The following ACOX2 variants were observed in gnomAD, a reference collection of about 807,000 sequenced individuals.
ACOX2 encodes the protein peroxisomal acyl-coenzyme A oxidase 2.
A neutral mutation model predicts 77.5 loss-of-function variants in ACOX2; 59 were observed. The observed-to-expected ratio is 0.76, with a 90% CI of 0.62 to 0.95. The LOEUF (loss-of-function observed/expected upper bound fraction) is 0.95, where lower values mean the gene tolerates loss of function less well. ACOX2 is among the 40% of genes least tolerant of loss of function. The probability of loss-of-function intolerance (pLI) is 0.00; values close to 1 mark genes in which losing one functional copy is unlikely to be tolerated. For missense variants in ACOX2, 837 were observed against 880.4 expected (o/e 0.95, Z 0.62); for synonymous variants, 317 against 340.1 (o/e 0.93, Z 0.75).
chr3:58,516,350 C>T (rs2107993323), intron 13 of ACOX2, among the ~76,000 whole-genome samples: 1 of 152,276 alleles, frequency 6.6e-6, no homozygotes, highest in South Asian at 2.1e-4. Context: ...GAGCTCATGC[C>T]CAGGGGCCAG....
rs1560217702 is a variant in ACOX2, at chr3:58,526,781, C to T, written c.1156-125G>A. The stretch of plus-strand genomic sequence containing the variant: ...AGCTCTGAGGTAAGAAGTGTTTCCT[C>T]TGCTCACAACTTTATGAATGAGAAG... On this transcript the variant is annotated intron_variant, in intron 9 of 14. Coordinates refer to ENST00000302819, the MANE Select transcript of ACOX2 (RefSeq NM_003500.4). The surrounding 1 kb of genome is among the most constrained non-coding windows in gnomAD (Gnocchi z 4.3). 5 of 1,029,844 alleles carry T rather than the reference C, an allele frequency of 4.9e-6. No individual in the cohort carries two copies. The highest frequency in any genetic ancestry group is 7.0e-6 in the Non-Finnish European group (5 of 719,196). The allele number at this position is 1,029,844 out of a possible 1,614,324, so 63.8% of individuals were successfully genotyped here.
Position 58,534,732 on chromosome 3 carries a change from G to C in ACOX2, c.161-210C>G. The C allele has an allele frequency of 2.2e-6, 3 of 1,352,984 alleles. No individual in the cohort carries two copies. The highest frequency in any genetic ancestry group is 2.5e-5 in the East Asian group (1 of 40,602). The allele number at this position is 1,352,984 out of a possible 1,614,324, so 83.8% of individuals were successfully genotyped here. ...GCAGAATTTTAGGACCAGAATCCAG[G>C]TCTTCTGCTGCCTAGGACTCTTCTA... On this transcript the variant is annotated intron_variant, in intron 2 of 14. Coordinates refer to ENST00000302819, the MANE Select transcript of ACOX2 (RefSeq NM_003500.4). This position sits in a 1 kb window ranked among gnomAD's most constrained non-coding sequence, Gnocchi z 4.8.
rs1242528397 is a variant in ACOX2, at chr3:58,505,363, C to G, written c.1984-77G>C. ...AATGACTTTCACTTTCAAATTAAGTCTCTAGCTTCAAAAAGTAACATTACG... is the reference window on the plus strand; with the variant it reads ...AATGACTTTCACTTTCAAATTAAGTGTCTAGCTTCAAAAAGTAACATTACG... On this transcript the variant is annotated intron_variant, in intron 14 of 14. Transcript: ENST00000302819. This position sits in a 1 kb window ranked among gnomAD's most constrained non-coding sequence, Gnocchi z 4.4. The G allele has an allele frequency of 3.3e-6, 4 of 1,196,832 alleles. No individual in the cohort carries two copies. The highest frequency in any genetic ancestry group is 3.5e-6 in the Non-Finnish European group (3 of 851,386). The allele number at this position is 1,196,832 out of a possible 1,614,324, so 74.1% of individuals were successfully genotyped here.
intron 5 of ACOX2, among the ~76,000 whole-genome samples, chr3:58,532,868 G>A (rs2063451145): frequency 6.6e-6 from 1 of 152,136 alleles, no homozygotes; most frequent in Non-Finnish European, 1.5e-5. Context: ...GTTTGAGGAA[G>A]GGGAAATCCC....
intron 14 of ACOX2, among the ~76,000 whole-genome samples, chr3:58,506,873 T>C (rs753776114): frequency 6.6e-5 from 10 of 152,226 alleles, no homozygotes; most frequent in South Asian, 2.1e-4. Context: ...ATGTCTCTTA[T>C]TGCAGCTTCA....
At position 58,505,329 on chromosome 3, in the gene ACOX2, G is replaced by T; in HGVS notation, c.1984-43C>A. On this transcript the variant is annotated intron_variant, in intron 14 of 14. Transcript: ENST00000302819. The surrounding 1 kb of genome is among the most constrained non-coding windows in gnomAD (Gnocchi z 4.4). ...CGCATTATTAACACAGTACATTTCT[G>T]CCAGGATTAATGACTTTCACTTTCA... 6.7e-7 allele frequency: 1 copy of T among 1,495,752 alleles called. No homozygotes were observed. Among genetic ancestry groups the T allele is most frequent in the Non-Finnish European group, 9.1e-7 (1 of 1,094,558 alleles). The allele number at this position is 1,495,752 out of a possible 1,614,324, so 92.7% of individuals were successfully genotyped here.
Position 58,526,270 on chromosome 3 carries a change from G to A in ACOX2, c.1346+196C>T, listed in dbSNP as rs899486541. On this transcript the variant is annotated intron_variant, in intron 10 of 14. Transcript: ENST00000302819. This position sits in a 1 kb window ranked among gnomAD's most constrained non-coding sequence, Gnocchi z 4.3. Reference sequence around the variant, plus strand: ...GAAGCAAGAGACCAGGGAGGGGTCTGAGGCTGTGGTGGAGGTGAGAGAGGA... The same window carrying A: ...GAAGCAAGAGACCAGGGAGGGGTCTAAGGCTGTGGTGGAGGTGAGAGAGGA... 6.6e-6 allele frequency among the ~76,000 whole-genome samples: 1 copy of A among 152,226 alleles called. No homozygotes were observed. Among genetic ancestry groups the A allele is most frequent in the African/African-American group, 2.4e-5 (1 of 41,464 alleles).
In ACOX2 at chr3:58,520,440, G is replaced by A. The variant is rs139939596; in HGVS notation, c.1632+2056C>T. 2.9e-3 allele frequency among the ~76,000 whole-genome samples: 441 copies of A among 152,298 alleles called. 2 individuals carry two copies. Among genetic ancestry groups the A allele is most frequent in the African/African-American group, 0.01 (422 of 41,560 alleles). ...GTCAGAGTCTGAATTATAGGACCAC[G>A]GCCTGACAGAGCCTAAAGGGCTCTT... On this transcript the variant is annotated intron_variant, in intron 12 of 14. Transcript: ENST00000302819.
intron 8 of ACOX2, chr3:58,529,197 T>G: frequency 2.8e-6 from 1 of 362,272 alleles, no homozygotes; most frequent in Non-Finnish European, 4.9e-6. Context: ...GGGAGGCTTA[T>G]AGAATTCCAG....
In ACOX2 at chr3:58,533,645, G is replaced by T; in HGVS notation, c.476-93C>A. ...GGTGGGTCTGAACTCTTAGGCATCA[G>T]CGCAGTATGGAGTGGGGCCCAGCTC... On this transcript the variant is annotated intron_variant, in intron 4 of 14. Coordinates refer to ENST00000302819, the MANE Select transcript of ACOX2 (RefSeq NM_003500.4). The surrounding 1 kb of genome is among the most constrained non-coding windows in gnomAD (Gnocchi z 5.6). 2.6e-6 allele frequency: 3 copies of T among 1,172,722 alleles called. No individual in the cohort carries two copies. Among genetic ancestry groups the T allele is most frequent in the South Asian group, 1.3e-5 (1 of 77,620 alleles). The allele number at this position is 1,172,722 out of a possible 1,614,324, so 72.6% of individuals were successfully genotyped here.
intron 12 of ACOX2, among the ~76,000 whole-genome samples, chr3:58,520,420 A>G (rs1455181977): frequency 2.0e-5 from 3 of 152,236 alleles, no homozygotes; most frequent in Non-Finnish European, 2.9e-5. Flanking sequence ...TTCTGGTCAG[A>G]GTCTGAATTA....
In ACOX2 at chr3:58,537,112, G is replaced by A. The variant is rs1280521553; in HGVS notation, c.-92+7C>T. The A allele has an allele frequency of 6.5e-6, 1 of 152,938 alleles. No homozygotes were observed. Among genetic ancestry groups the A allele is most frequent in the East Asian group, 1.9e-4 (1 of 5,218 alleles). 9.5% of individuals were successfully genotyped at this position (152,938 alleles called of 1,614,324 possible). On this transcript the variant is annotated splice_region_variant and intron_variant, in intron 1 of 14. Coordinates refer to ENST00000302819, the MANE Select transcript of ACOX2 (RefSeq NM_003500.4). ...CCAGTCCCTCCCTGCCCAAAAACCT[G>A]GCTCACCTGGCTCCCCTCTGTCCTG...
Position 58,535,266 on chromosome 3 carries a change from T to A in ACOX2, c.-91-69A>T. ...CTGGTTGGTAGAAGAAAGACATCCC[T>A]AAGTACCTGAATGCCACTCCACCTC... On this transcript the variant is annotated intron_variant, in intron 1 of 14. Coordinates refer to ENST00000302819, the MANE Select transcript of ACOX2 (RefSeq NM_003500.4). This position sits in a 1 kb window ranked among gnomAD's most constrained non-coding sequence, Gnocchi z 4.8. 1 of 826,990 alleles carries A rather than the reference T, an allele frequency of 1.2e-6. No individual in the cohort carries two copies. Among genetic ancestry groups the A allele is most frequent in the Non-Finnish European group, 1.9e-6 (1 of 517,554 alleles). 51.2% of individuals were successfully genotyped at this position (826,990 alleles called of 1,614,324 possible). A position where few individuals can be genotyped will look rare whatever the true frequency, so the allele number is the denominator to read the frequency against.
rs776329394 is a variant in ACOX2, at chr3:58,505,243, CT to C, written c.2026del (p.Ser676ValfsTer21). The C allele has an allele frequency of 2.5e-6, 4 of 1,613,242 alleles. No individual in the cohort carries two copies. In the Admixed American group the frequency reaches 5.0e-5, roughly 20 times the overall value. ...YEEYIRPLLQ[S>X]WRSKL ...GTTATTTCATAGCTTGGATCTCCAA[CT>C]TTGTAAAAGTGGTCTTATATATTCC... On this transcript the variant is annotated frameshift_variant, in exon 15 of 15. Coordinates refer to ENST00000302819, the MANE Select transcript of ACOX2 (RefSeq NM_003500.4). LOFTEE classifies it high-confidence loss of function. This position sits in a 1 kb window ranked among gnomAD's most constrained non-coding sequence, Gnocchi z 4.4.
chr3:58,526,564 G>T lies in ACOX2; in HGVS notation c.1248C>A (p.Gly416=), dbSNP rs752376288. 1 of 1,614,240 alleles carries T rather than the reference G, an allele frequency of 6.2e-7. No individual in the cohort carries two copies. The highest frequency in any genetic ancestry group is 2.2e-5 in the East Asian group (1 of 44,888). The change falls in exon 10 of 15, where the codon GGC becomes GGA. Residue 416 remains glycine (G), a synonymous_variant. Transcript: ENST00000302819. The surrounding 1 kb of genome is among the most constrained non-coding windows in gnomAD (Gnocchi z 4.3). ...ATGGCAGGCCACTCAGCTTTGAGTA[G>T]CCATGTCCGCCACAGGCCCTGCGGC... is the stretch of plus-strand genomic sequence containing the variant. ...EMCRRACGGH[G]YSKLSGLPSL...
chr3:58,528,088 A>C lies in ACOX2; in HGVS notation c.1155+706T>G, dbSNP rs2063410514. Among the ~76,000 whole-genome samples the C allele has an allele frequency of 6.6e-6, 1 of 152,186 alleles. No homozygotes were observed. Among genetic ancestry groups the C allele is most frequent in the Non-Finnish European group, 1.5e-5 (1 of 68,030 alleles). On this transcript the variant is annotated intron_variant, in intron 9 of 14. Coordinates refer to ENST00000302819, the MANE Select transcript of ACOX2 (RefSeq NM_003500.4). This position sits in a 1 kb window ranked among gnomAD's most constrained non-coding sequence, Gnocchi z 5.6. The stretch of plus-strand genomic sequence containing the variant: ...AGGACAGAGGCTGCTGGGCAGCAGG[A>C]CTGCTTTCAGATTTTGGTTCTTGAA...
chr3:58,517,618 G>GCT (rs2063330957), intron 12 of ACOX2, among the ~76,000 whole-genome samples, 195 bp from the exon 13 acceptor site: 1 of 149,280 alleles, frequency 6.7e-6, no homozygotes, highest in Admixed American at 6.7e-5. Context: ...TGTGTTGGGG[G>GCT]GGGGAGCGGG....
chr3:58,506,472 G>A (rs1006342036), intron 14 of ACOX2, among the ~76,000 whole-genome samples: 3 of 152,076 alleles, frequency 2.0e-5, no homozygotes, highest in African/African-American at 7.2e-5. Context: ...ATGTCTACAG[G>A]GTGTGTTTCA....
Position 58,535,222 on chromosome 3 carries a change from G to T in ACOX2, c.-91-25C>A. 1 of 1,362,608 alleles carries T rather than the reference G, an allele frequency of 7.3e-7. No individual in the cohort carries two copies. The allele number at this position is 1,362,608 out of a possible 1,614,324, so 84.4% of individuals were successfully genotyped here. On this transcript the variant is annotated intron_variant, in intron 1 of 14. Coordinates refer to ENST00000302819, the MANE Select transcript of ACOX2 (RefSeq NM_003500.4). This position sits in a 1 kb window ranked among gnomAD's most constrained non-coding sequence, Gnocchi z 4.8. The stretch of plus-strand genomic sequence containing the variant: ...CCTGTGTGCAAGAGGAACTGCCTAG[G>T]GCTGGGTGTCAGCCAGGGCTGGTTG...
Sources: allele counts gnomAD v4.1 joint callset (sites outside exome capture counted in the v4.1 genomes callset), GRCh38; gene constraint gnomAD v4.1.1; non-coding constraint Gnocchi (gnomAD v3.1); transcripts MANE v1.5; gene names NCBI Gene and HGNC (gene_info 2026-07-23, HGNC 2026-07-21).